RBFOX1: variants seen among roughly 807,000 people sequenced by gnomAD.
The protein encoded by RBFOX1 is RNA binding protein fox-1 homolog 1.
A neutral mutation model predicts 57.7 loss-of-function variants in RBFOX1; 8 were observed. That is an observed-to-expected ratio of 0.14 (90% CI 0.08 to 0.25). The LOEUF (loss-of-function observed/expected upper bound fraction) is 0.25. Among genes scored for constraint, RBFOX1 ranks in the 10% least tolerant of loss-of-function variants. RBFOX1 has a pLI of 1.00. For missense variants in RBFOX1, 611 were observed against 548.5 expected (o/e 1.11, Z -1.14); for synonymous variants, 326 against 222.4 (o/e 1.47, Z -4.15).
In RBFOX1 at chr16:7,710,804, G is replaced by C; in HGVS notation, c.*59G>C. 1.4e-6 allele frequency: 2 copies of C among 1,396,698 alleles called. No individual in the cohort carries two copies. The highest frequency in any genetic ancestry group is 1.9e-6 in the Non-Finnish European group (2 of 1,048,594). 86.5% of individuals were successfully genotyped at this position (1,396,698 alleles called of 1,614,324 possible). A position where few individuals can be genotyped will look rare whatever the true frequency, so the allele number is the denominator to read the frequency against. On this transcript the variant is annotated 3_prime_UTR_variant, in exon 16 of 16. Transcript: ENST00000550418. ...AGAAAGGAAGCTTTCCGAGGCCTGA[G>C]TATTGCAATACATGCAGTAGTACAT...
intron 3 of RBFOX1, among the ~76,000 whole-genome samples, chr16:6,958,379 A>G (rs537628455): frequency 1.3e-5 from 2 of 152,262 alleles, no homozygotes; most frequent in Non-Finnish European, 2.9e-5. Context: ...TAGAAAAGAG[A>G]TGGAGTCAGC....
chr16:6,866,413 C>T (rs191450011), intron 3 of RBFOX1, among the ~76,000 whole-genome samples: 235 of 151,824 alleles, frequency 1.5e-3, no homozygotes, highest in African/African-American at 5.2e-3. Context: ...TATCCATCAT[C>T]TCCATGACTT....
At chr16:5,900,144 G>GT (rs1649718040) in intron 4 of RBFOX1, among the ~76,000 whole-genome samples, 1 of 152,098 alleles carries the variant, frequency 6.6e-6, no homozygotes, top group Admixed American at 6.5e-5. Context: ...TTGTACCTTT[G>GT]TTTGGGCAGT....
chr16:5,420,391 TACACAC>T (rs59939324), intron 1 of RBFOX1, among the ~76,000 whole-genome samples: 7 of 151,076 alleles, frequency 4.6e-5, no homozygotes, highest in South Asian at 2.1e-4. Flanking sequence ...CACCCCCATA[TACACAC>T]ACACACACAC....
At chr16:6,198,134 AG>A (rs1014721772) in intron 1 of RBFOX1, among the ~76,000 whole-genome samples, 1 of 152,144 alleles carries the variant, frequency 6.6e-6, no homozygotes, top group South Asian at 2.1e-4. Flanking sequence ...GGGAAGGATG[AG>A]GGGGGTGACA....
At chr16:6,367,427 T>C (rs1321931026) in intron 2 of RBFOX1, among the ~76,000 whole-genome samples, 3 of 152,052 alleles carry the variant, frequency 2.0e-5, no homozygotes, top group Non-Finnish European at 4.4e-5. Flanking sequence ...TGCACCACCA[T>C]GCCCGGCTAA....
chr16:6,924,307 C>T (rs942012787), intron 3 of RBFOX1, among the ~76,000 whole-genome samples: 1 of 152,002 alleles, frequency 6.6e-6, no homozygotes, highest in Non-Finnish European at 1.5e-5. Flanking sequence ...TCTGGTGAGG[C>T]CTCAGGGAGG....
At chr16:5,310,401 A>C (rs1470056106) in intron 1 of RBFOX1, among the ~76,000 whole-genome samples, 2 of 130,814 alleles carry the variant, frequency 1.5e-5, no homozygotes, top group African/African-American at 3.9e-5. Flanking sequence ...ACTCTGTCTC[A>C]AAAAAAAAAA....
intron 4 of RBFOX1, among the ~76,000 whole-genome samples, chr16:7,325,853 A>G (rs779334074): frequency 5.3e-5 from 8 of 152,006 alleles, no homozygotes; most frequent in Non-Finnish European, 8.8e-5. Context: ...ATCTCAGGGA[A>G]TTTTTCTTGC....
chr16:7,559,913 G>A (rs963888300), intron 5 of RBFOX1, among the ~76,000 whole-genome samples: 19 of 152,214 alleles, frequency 1.2e-4, no homozygotes, highest in African/African-American at 3.6e-4. Flanking sequence ...TTGGTCAACT[G>A]TTGGTCAAAT....
chr16:6,984,794 C>A (rs567869971), intron 3 of RBFOX1, among the ~76,000 whole-genome samples: 8 of 152,170 alleles, frequency 5.3e-5, no homozygotes, highest in Admixed American at 3.3e-4. Flanking sequence ...GTGCATGCCA[C>A]CACACCTGGC....
At chr16:5,271,878 C>T (rs56851225) in intron 1 of RBFOX1, among the ~76,000 whole-genome samples, 2,802 of 152,306 alleles carry the variant, frequency 0.018, 40 homozygotes, top group Middle Eastern at 0.085. Flanking sequence ...GCTTATTTCA[C>T]TTAACACAGT....
chr16:6,972,411 G>C (rs986969364), intron 3 of RBFOX1, among the ~76,000 whole-genome samples: 1 of 152,040 alleles, frequency 6.6e-6, no homozygotes, highest in Non-Finnish European at 1.5e-5. Flanking sequence ...CCATGGTGTA[G>C]GATGTTTCTT....
At chr16:6,933,082 G>A (rs1042267828) in intron 3 of RBFOX1, among the ~76,000 whole-genome samples, 1 of 152,112 alleles carries the variant, frequency 6.6e-6, no homozygotes, top group Non-Finnish European at 1.5e-5. Flanking sequence ...TTTCTTCCCT[G>A]TCTAAGGATG....
chr16:7,513,688 C>G (rs1167840231), intron 4 of RBFOX1, among the ~76,000 whole-genome samples: 1 of 152,158 alleles, frequency 6.6e-6, no homozygotes, highest in African/African-American at 2.4e-5. Flanking sequence ...TCTGTAAGAA[C>G]TACCGGTATG....
intron 2 of RBFOX1, among the ~76,000 whole-genome samples, chr16:6,440,099 G>T (rs1251074712): frequency 2.0e-5 from 3 of 151,752 alleles, no homozygotes; most frequent in Non-Finnish European, 4.4e-5. Flanking sequence ...ACCATGCCTG[G>T]CTAATTTTTG....
At chr16:7,166,597 G>A (rs1338833833) in intron 4 of RBFOX1, among the ~76,000 whole-genome samples, 2 of 152,162 alleles carry the variant, frequency 1.3e-5, no homozygotes, top group African/African-American at 4.8e-5. Context: ...TGGGCTGTGT[G>A]CCTTGTTGTT....
intron 3 of RBFOX1, among the ~76,000 whole-genome samples, chr16:5,672,547 C>T (rs940432511): frequency 1.3e-5 from 2 of 152,114 alleles, no homozygotes; most frequent in Non-Finnish European, 2.9e-5. Flanking sequence ...ACAGTAAGTG[C>T]GCCACGTTCT....
At chr16:6,899,507 G>A (rs1422143287) in intron 3 of RBFOX1, among the ~76,000 whole-genome samples, 2 of 152,150 alleles carry the variant, frequency 1.3e-5, no homozygotes, top group Non-Finnish European at 2.9e-5. Flanking sequence ...ATACCATCTT[G>A]AGTGGAAAGG....
Sources: allele counts gnomAD v4.1 joint callset (sites outside exome capture counted in the v4.1 genomes callset), GRCh38; gene constraint gnomAD v4.1.1; transcripts MANE v1.5; gene names NCBI Gene and HGNC (gene_info 2026-07-23, HGNC 2026-07-21).